Variants in DNER observed in about 807,000 individuals in gnomAD.
DNER encodes the protein delta and Notch-like epidermal growth factor-related receptor.
In DNER, 33 loss-of-function variants were observed where a neutral mutation model predicts 78.2. That is an observed-to-expected ratio of 0.42 (90% CI 0.32 to 0.56). DNER has a LOEUF of 0.56. Ranked by LOEUF, DNER falls within the 20% of genes least tolerant of loss-of-function variation. The pLI is 0.11. For synonymous variants in DNER, 417 were observed against 384.8 expected (o/e 1.08, Z -0.98); for missense variants, 918 against 975.3 (o/e 0.94, Z 0.78).
chr2:229,608,962 C>T (rs764788264), intron 1 of DNER, among the ~76,000 whole-genome samples: 24 of 152,100 alleles, frequency 1.6e-4, no homozygotes, highest in Admixed American at 1.3e-4. Context: ...GTGGCTCACG[C>T]CTGTAATTGC....
intron 4 of DNER, among the ~76,000 whole-genome samples, chr2:229,583,652 A>ATAT (rs1697442079): frequency 6.6e-6 from 1 of 152,238 alleles, no homozygotes; most frequent in Non-Finnish European, 1.5e-5. Flanking sequence ...GCTCCATGTG[A>ATAT]TACCAAACAG....
At chr2:229,421,536 CTCTATA>C (rs1693763277) in intron 8 of DNER, among the ~76,000 whole-genome samples, 1 of 149,306 alleles carries the variant, frequency 6.7e-6, no homozygotes, top group Admixed American at 6.7e-5. Context: ...ATATCTATAT[CTCTATA>C]TCTATATTTT....
At chr2:229,385,051 G>A (rs1692831976) in intron 11 of DNER, among the ~76,000 whole-genome samples, 2 of 148,268 alleles carry the variant, frequency 1.3e-5, no homozygotes, top group South Asian at 2.1e-4. Context: ...ACATCAAAAA[G>A]CTTATCCACC....
intron 10 of DNER, among the ~76,000 whole-genome samples, chr2:229,401,681 G>A (rs1169015685): frequency 6.6e-6 from 1 of 152,190 alleles, no homozygotes; most frequent in African/African-American, 2.4e-5. Flanking sequence ...GTGGCGCAAG[G>A]GAAAAGGGTA....
At chr2:229,599,217 C>G (rs1227625750) in intron 1 of DNER, among the ~76,000 whole-genome samples, 2 of 152,098 alleles carry the variant, frequency 1.3e-5, no homozygotes, top group Non-Finnish European at 2.9e-5. Context: ...TGGGAAAGAA[C>G]AGGGGGAATT....
intron 1 of DNER, among the ~76,000 whole-genome samples, chr2:229,668,481 T>A (rs1225913707): frequency 6.6e-5 from 9 of 137,092 alleles, no homozygotes; most frequent in Non-Finnish European, 1.2e-4. Flanking sequence ...TATATATAGG[T>A]AAGTATATAT....
At chr2:229,637,612 C>A (rs1698550771) in intron 1 of DNER, among the ~76,000 whole-genome samples, 1 of 152,212 alleles carries the variant, frequency 6.6e-6, no homozygotes, top group South Asian at 2.1e-4. Flanking sequence ...TAATGGTGCT[C>A]TAGCGTGTAT....
chr2:229,596,386 TA>T (rs1344595221), intron 1 of DNER, among the ~76,000 whole-genome samples: 4 of 152,148 alleles, frequency 2.6e-5, no homozygotes, highest in Admixed American at 6.5e-5. Flanking sequence ...TTAAAAGGAG[TA>T]AAAGCTCTGT....
At chr2:229,446,401 T>G (rs773170430) in intron 8 of DNER, among the ~76,000 whole-genome samples, 12 of 152,088 alleles carry the variant, frequency 7.9e-5, no homozygotes, top group Non-Finnish European at 1.8e-4. Context: ...GGAAACTGAG[T>G]CAGCCCCAGA....
intron 6 of DNER, among the ~76,000 whole-genome samples, chr2:229,503,561 T>C (rs947332371): frequency 1.3e-5 from 2 of 152,170 alleles, no homozygotes; most frequent in Non-Finnish European, 2.9e-5. Context: ...GTACAATACA[T>C]GTTTGCCAAA....
chr2:229,700,234 C>G (rs746824328), intron 1 of DNER, among the ~76,000 whole-genome samples: 2 of 150,736 alleles, frequency 1.3e-5, no homozygotes, highest in Non-Finnish European at 2.9e-5. Flanking sequence ...TGGATGGCAA[C>G]TTAGCAGTAT....
At chr2:229,669,405 T>A (rs571185176) in intron 1 of DNER, among the ~76,000 whole-genome samples, 1 of 149,610 alleles carries the variant, frequency 6.7e-6, no homozygotes, top group African/African-American at 2.5e-5. Flanking sequence ...TGTCTATGTA[T>A]ATATAAAATT....
chr2:229,708,240 T>C (rs1276594429), intron 1 of DNER, among the ~76,000 whole-genome samples: 1 of 152,168 alleles, frequency 6.6e-6, no homozygotes, highest in African/African-American at 2.4e-5. Flanking sequence ...AGGAAGATGA[T>C]AAGAGTCTAG....
chr2:229,392,091 C>A (rs1039777498), intron 10 of DNER, among the ~76,000 whole-genome samples: 3 of 151,886 alleles, frequency 2.0e-5, no homozygotes, highest in African/African-American at 7.3e-5. Context: ...TAAATATATG[C>A]CTCCTACATG....
chr2:229,670,748 G>A (rs1303726106), intron 1 of DNER, among the ~76,000 whole-genome samples: 4 of 152,196 alleles, frequency 2.6e-5, no homozygotes, highest in Admixed American at 2.0e-4. Context: ...ATCCCACTCC[G>A]TCCATAGAGT....
chr2:229,565,836 ATTCT>A lies in DNER; in HGVS notation c.848-18748_848-18745del, dbSNP rs201590885. Among the ~76,000 whole-genome samples, 494 of 152,286 alleles carry A rather than the reference ATTCT, an allele frequency of 3.2e-3. 4 individuals are homozygous for A. The highest frequency in any genetic ancestry group is 0.011 in the African/African-American group (459 of 41,550). On this transcript the variant is annotated intron_variant, in intron 4 of 12. Coordinates refer to ENST00000341772, the MANE Select transcript of DNER (RefSeq NM_139072.4). ...GGCTTGCACAGAATATACAATTAAA[ATTCT>A]TTATTTAATCTCTTTTTCAATGTCT... is the stretch of plus-strand genomic sequence containing the variant.
chr2:229,669,683 T>C (rs763492387), intron 1 of DNER, among the ~76,000 whole-genome samples: 51 of 152,274 alleles, frequency 3.3e-4, no homozygotes, highest in Non-Finnish European at 6.0e-4. Flanking sequence ...CAATTGTGAA[T>C]GGGAGTTCAC....
intron 6 of DNER, among the ~76,000 whole-genome samples, chr2:229,486,762 G>T (rs998766589): frequency 3.3e-5 from 5 of 152,158 alleles, no homozygotes; most frequent in Non-Finnish European, 7.4e-5. Context: ...GGATCTCTCA[G>T]TTTTTATACA....
At chr2:229,390,834 T>G (rs1462683822) in intron 10 of DNER, among the ~76,000 whole-genome samples, 1 of 152,246 alleles carries the variant, frequency 6.6e-6, no homozygotes, top group East Asian at 1.9e-4. Context: ...CTCAGATACC[T>G]TTAGGTTTAT....
Sources: gnomAD v4.1 joint callset for allele counts (sites outside exome capture counted in the v4.1 genomes callset) on GRCh38, gnomAD v4.1.1 for gene constraint, MANE v1.5 for transcripts, NCBI Gene and HGNC (gene_info 2026-07-23, HGNC 2026-07-21) for gene names.